Variants in KIAA1958 observed in about 807,000 individuals in gnomAD.
KIAA1958 encodes the protein KIAA1958, also known as uncharacterized protein KIAA1958.
A neutral mutation model predicts 47.2 loss-of-function variants in KIAA1958; 14 were observed. That is an observed-to-expected ratio of 0.30 (90% CI 0.20 to 0.46). KIAA1958 has a LOEUF of 0.46. Among genes scored for constraint, KIAA1958 ranks in the 20% least tolerant of loss-of-function variants. The pLI, the probability that KIAA1958 is intolerant of heterozygous loss-of-function variation, is 1.00. For missense variants in KIAA1958, 803 were observed against 909.2 expected, an observed-to-expected ratio of 0.88 and a Z score of 1.50; for synonymous variants, 354 against 353.3, an observed-to-expected ratio of 1.00 and a Z score of -0.02.
intron 1 of KIAA1958, among the ~76,000 whole-genome samples, chr9:112,564,279 T>G (rs4978500): frequency 0.96 from 146,070 of 152,284 alleles, 70,107 homozygotes; most frequent in African/African-American, 0.99. Context: ...TTTGGAGAAG[T>G]TTTTTTAAGT....
intron 1 of KIAA1958, among the ~76,000 whole-genome samples, chr9:112,508,253 C>G (rs1018111455): frequency 6.6e-6 from 1 of 152,076 alleles, no homozygotes; most frequent in African/African-American, 2.4e-5. Context: ...ATCAGAAATC[C>G]ATTTAACTTG....
chr9:112,496,612 T>G lies in KIAA1958; in HGVS notation c.-25+9494T>G, dbSNP rs148438892. On this transcript the variant is annotated intron_variant, in intron 1 of 3. Transcript: ENST00000337530. ...TGTGGCTTCTTGATGTGACCTCCTC[T>G]CTGATGTTCTCTGAGATTAACCTCC... Among the ~76,000 whole-genome samples, 176 of 152,328 alleles carry G rather than the reference T, an allele frequency of 1.2e-3. 2 individuals carry two copies. The highest frequency in any genetic ancestry group is 2.5e-3 in the East Asian group (13 of 5,188).
At chr9:112,600,767 C>T (rs1261005369) in intron 2 of KIAA1958, among the ~76,000 whole-genome samples, 2 of 152,140 alleles carry the variant, frequency 1.3e-5, no homozygotes, top group African/African-American at 2.4e-5. Context: ...AGGAGGAGCT[C>T]GGGCTAGGTA....
chr9:112,592,479 G>GT (rs1416554436), intron 2 of KIAA1958, among the ~76,000 whole-genome samples: 1 of 152,168 alleles, frequency 6.6e-6, no homozygotes, highest in Non-Finnish European at 1.5e-5. Flanking sequence ...CTGGTCCTCA[G>GT]TTTCATCATT....
intron 2 of KIAA1958, among the ~76,000 whole-genome samples, chr9:112,613,359 A>G (rs567117193): frequency 1.3e-5 from 2 of 152,200 alleles, no homozygotes; most frequent in Admixed American, 6.5e-5. Flanking sequence ...TGGATGGCAG[A>G]TCAAAATGTG....
rs1772508656 is a variant in KIAA1958, at chr9:112,486,898, G to C, written c.-245G>C. The C allele has an allele frequency of 7.0e-6, 1 of 143,228 alleles. No individual in the cohort carries two copies. The highest frequency in any genetic ancestry group is 6.9e-5 in the Admixed American group (1 of 14,594). 8.9% of individuals were successfully genotyped at this position (143,228 alleles called of 1,614,324 possible). A position where few individuals can be genotyped will look rare whatever the true frequency, so the allele number is the denominator to read the frequency against. On this transcript the variant is annotated 5_prime_UTR_variant, in exon 1 of 4. Transcript: ENST00000337530. Reference sequence around the variant, plus strand: ...GCGCACGGAGCGGCGCGCGGCGGTCGGCCGAGCCAGGCTGGCGCCCCCGCC... The same window carrying C: ...GCGCACGGAGCGGCGCGCGGCGGTCCGCCGAGCCAGGCTGGCGCCCCCGCC...
chr9:112,582,199 T>C (rs925258808), intron 2 of KIAA1958, among the ~76,000 whole-genome samples: 1 of 152,198 alleles, frequency 6.6e-6, no homozygotes, highest in Admixed American at 6.5e-5. Context: ...CTGTAGTCAA[T>C]AATAACTTAA....
intron 3 of KIAA1958, among the ~76,000 whole-genome samples, chr9:112,647,057 C>T (rs914995330): frequency 6.6e-6 from 1 of 151,954 alleles, no homozygotes; most frequent in African/African-American, 2.4e-5. Flanking sequence ...AGGGAATCAA[C>T]AACAGATGAA....
chr9:112,652,332 A>T (rs1837066965), intron 3 of KIAA1958, among the ~76,000 whole-genome samples: 1 of 152,192 alleles, frequency 6.6e-6, no homozygotes, highest in Admixed American at 6.5e-5. Context: ...GTTTCTTGCG[A>T]TGTCTTTATA....
At position 112,525,147 on chromosome 9, in the gene KIAA1958, T is replaced by C. The variant is rs138901998; in HGVS notation, c.-25+38029T>C. Reference sequence around the variant, plus strand: ...TGTGTTTCATTTCCCCAGAATTCCCTCCACAGGAGATTATAACACATTGTA... The same window carrying C: ...TGTGTTTCATTTCCCCAGAATTCCCCCCACAGGAGATTATAACACATTGTA... On this transcript the variant is annotated intron_variant, in intron 1 of 3. Coordinates refer to ENST00000337530, the MANE Select transcript of KIAA1958 (RefSeq NM_133465.4). 3.7e-3 allele frequency among the ~76,000 whole-genome samples: 564 copies of C among 152,352 alleles called. 3 individuals are homozygous for C. Among genetic ancestry groups the C allele is most frequent in the Non-Finnish European group, 6.0e-3 (408 of 68,036 alleles).
At chr9:112,649,537 T>A (rs1837026734) in intron 3 of KIAA1958, among the ~76,000 whole-genome samples, 1 of 151,728 alleles carries the variant, frequency 6.6e-6, no homozygotes, top group Non-Finnish European at 1.5e-5. Flanking sequence ...GTAATTGGAA[T>A]CCCTGAAAAA....
intron 1 of KIAA1958, among the ~76,000 whole-genome samples, chr9:112,552,289 A>C (rs923853861): frequency 1.3e-5 from 2 of 152,264 alleles, no homozygotes; most frequent in South Asian, 4.1e-4. Context: ...TTAAGTTGCC[A>C]TAATTTAAAC....
rs183766189 is a variant in KIAA1958 at position 112,578,387 on chromosome 9, A to G, written c.1171+3136A>G. 3.9e-5 allele frequency among the ~76,000 whole-genome samples: 6 copies of G among 152,308 alleles called. No individual in the cohort carries two copies. In the East Asian group the frequency reaches 9.6e-4, roughly 24 times the overall value. ...TGTAAAGCGTACTTGGGACTAAGCA[A>G]AGAAGACAGGTTCTGAAAGCTAAGT... On this transcript the variant is annotated intron_variant, in intron 2 of 3. Coordinates refer to ENST00000337530, the MANE Select transcript of KIAA1958 (RefSeq NM_133465.4).
At chr9:112,565,727 T>C (rs1835416901) in intron 1 of KIAA1958, among the ~76,000 whole-genome samples, 1 of 152,234 alleles carries the variant, frequency 6.6e-6, no homozygotes, top group Non-Finnish European at 1.5e-5. Context: ...ATATATCAGC[T>C]AATTATTCTC....
intron 1 of KIAA1958, among the ~76,000 whole-genome samples, chr9:112,516,248 A>G (rs1834431962): frequency 6.6e-6 from 1 of 150,410 alleles, no homozygotes; most frequent in South Asian, 2.1e-4. Flanking sequence ...GCTGGAGACA[A>G]GCCTGGGCAA....
intron 1 of KIAA1958, among the ~76,000 whole-genome samples, chr9:112,522,522 C>T (rs1214636757): frequency 3.9e-5 from 6 of 152,130 alleles, no homozygotes; most frequent in East Asian, 1.9e-4. Flanking sequence ...CTGGTGTATA[C>T]GCCTAGCCTG....
intron 2 of KIAA1958, among the ~76,000 whole-genome samples, chr9:112,604,835 T>A (rs1294222153): frequency 6.6e-6 from 1 of 150,848 alleles, no homozygotes; most frequent in Non-Finnish European, 1.5e-5. Context: ...TACTCTGGAT[T>A]CACAGATGAC....
intron 1 of KIAA1958, among the ~76,000 whole-genome samples, chr9:112,515,894 T>TAAAAAAAAA (rs58492221): frequency 1.5e-4 from 15 of 97,098 alleles, no homozygotes; most frequent in South Asian, 4.1e-4. Flanking sequence ...AAAAATAAAT[T>TAAAAAAAAA]AAAAAAAAAA....
chr9:112,625,883 G>A (rs1471735873), intron 2 of KIAA1958, among the ~76,000 whole-genome samples: 1 of 152,142 alleles, frequency 6.6e-6, no homozygotes, highest in Non-Finnish European at 1.5e-5. Context: ...CAGTTATGGA[G>A]GGGAAACTAC....
Sources: gnomAD v4.1 joint callset for allele counts (sites outside exome capture counted in the v4.1 genomes callset) on GRCh38, gnomAD v4.1.1 for gene constraint, MANE v1.5 for transcripts, NCBI Gene and HGNC (gene_info 2026-07-23, HGNC 2026-07-21) for gene names.